ZNF486: variants seen among roughly 807,000 people sequenced by gnomAD.
ZNF486 encodes the protein KRAB box only protein 2.
A neutral mutation model predicts 12.8 loss-of-function variants in ZNF486; 12 were observed. The ratio of observed to expected loss-of-function variants is 0.94; its 90% CI spans 0.60 to 1.52. The LOEUF is 1.52. Ranked by LOEUF, ZNF486 falls within the 40% of genes most tolerant of loss-of-function variation. The probability of loss-of-function intolerance (pLI) is 0.00; values close to 1 mark genes in which losing one functional copy is unlikely to be tolerated. For synonymous variants in ZNF486, 231 were observed against 184.9 expected (o/e 1.25, Z -2.02); for missense variants, 738 against 545.0 (o/e 1.35, Z -3.53).
In ZNF486 at chr19:20,198,235, C is replaced by G. The variant is rs1417172294; in HGVS notation, c.*133C>G. 4.1e-6 allele frequency: 3 copies of G among 734,124 alleles called. No homozygotes were observed. In the African/African-American group the frequency reaches 5.4e-5, roughly 13 times the overall value. The allele number at this position is 734,124 out of a possible 1,614,324, so 45.5% of individuals were successfully genotyped here. ...GGGTTCAAGTAACTCTCCTTAGTAG[C>G]TAGGATTACAGGGCTGCACCACCAC... On this transcript the variant is annotated 3_prime_UTR_variant, in exon 4 of 4. Coordinates refer to ENST00000335117, the MANE Select transcript of ZNF486 (RefSeq NM_052852.4).
In ZNF486 at chr19:20,185,485, A is replaced by G. The variant is rs553980101; in HGVS notation, c.158-502A>G. The stretch of plus-strand genomic sequence containing the variant: ...GAGTGCAATGGCATGATCTCAGCTC[A>G]CTGCAACCTCTGCCTCCTGGGTTCA... On this transcript the variant is annotated intron_variant, in intron 2 of 3. Transcript: ENST00000335117. Among the ~76,000 whole-genome samples the G allele has an allele frequency of 1.7e-3, 231 of 134,732 alleles. 1 individual carries two copies. The highest frequency in any genetic ancestry group is 6.1e-3 in the African/African-American group (214 of 35,006). The allele number at this position is 134,732 out of a possible 152,430, so 88.4% of individuals were successfully genotyped here.
Position 20,198,304 on chromosome 19 carries a change from T to C in ZNF486, c.*202T>C. On this transcript the variant is annotated 3_prime_UTR_variant, in exon 4 of 4. Transcript: ENST00000335117. ...TTTTAGTAGAGATGGGGTTTCTCCA[T>C]GTTGGTCAGGCTGGTCTCAATCTCC... 1 of 541,434 alleles carries C rather than the reference T, an allele frequency of 1.8e-6. No individual in the cohort carries two copies. Among genetic ancestry groups the C allele is most frequent in the Middle Eastern group, 4.9e-4 (1 of 2,050 alleles). 33.5% of individuals were successfully genotyped at this position (541,434 alleles called of 1,614,324 possible).
Position 20,175,350 on chromosome 19 carries a change from T to TTTA in ZNF486, c.30+7990_30+7991insTTA, listed in dbSNP as rs1296618035. On this transcript the variant is annotated intron_variant, in intron 1 of 3. Transcript: ENST00000335117. ...CTATTAATTTTTTTTTTTTTTTTTT[T>TTTA]ATTGATCATTCTTGGGTGTTTCTCG... 8.4e-5 allele frequency: 12 copies of TTTA among 142,170 alleles called. 1 individual carries two copies. The East Asian group carries it at 8.5e-4, about 10-fold the overall frequency. The allele number at this position is 142,170 out of a possible 1,614,324, so 8.8% of individuals were successfully genotyped here.
chr19:20,196,454 G>T (rs782550629), intron 3 of ZNF486, among the ~76,000 whole-genome samples: 14 of 152,090 alleles, frequency 9.2e-5, no homozygotes, highest in Admixed American at 2.6e-4. Context: ...TCAGCCTCCT[G>T]AGCAGTTGGA....
In ZNF486 at chr19:20,174,358, A is replaced by G. The variant is rs546240849; in HGVS notation, c.30+6998A>G. Among the ~76,000 whole-genome samples the G allele has an allele frequency of 1.8e-4, 27 of 151,898 alleles. 1 individual carries two copies. The South Asian group carries it at 4.6e-3, about 26-fold the overall frequency. On this transcript the variant is annotated intron_variant, in intron 1 of 3. Coordinates refer to ENST00000335117, the MANE Select transcript of ZNF486 (RefSeq NM_052852.4). ...TAATGTTTGTAGACAAGCTGCATTT[A>G]TATACATTTAACAGTATTTTGTTTT...
At chr19:20,175,180 G>A (rs1555714473) in intron 1 of ZNF486, 1 of 152,166 alleles carries the variant, frequency 6.6e-6, no homozygotes, top group African/African-American at 2.4e-5. Context: ...GAGAGTAGCT[G>A]TGCGCTTTGG....
At chr19:20,182,114 A>G (rs1373847658) in intron 1 of ZNF486, among the ~76,000 whole-genome samples, 2 of 152,214 alleles carry the variant, frequency 1.3e-5, no homozygotes, top group Admixed American at 6.5e-5. Context: ...CCCTATTTGT[A>G]TCAGAAGTAT....
intron 3 of ZNF486, among the ~76,000 whole-genome samples, chr19:20,191,704 A>C (rs1555717230): frequency 6.6e-6 from 1 of 152,130 alleles, no homozygotes; most frequent in Non-Finnish European, 1.5e-5. Flanking sequence ...TGGGAGGCGG[A>C]GCTTGTAGTG....
chr19:20,178,417 G>A (rs1097507), intron 1 of ZNF486, among the ~76,000 whole-genome samples: 55,657 of 151,554 alleles, frequency 0.37, 14,191 homozygotes, highest in African/African-American at 0.72. Context: ...CTAATTTTTT[G>A]TATTTTTAGT....
At chr19:20,183,585 A>T (rs2089809760) in intron 1 of ZNF486, among the ~76,000 whole-genome samples, 1 of 152,186 alleles carries the variant, frequency 6.6e-6, no homozygotes, top group African/African-American at 2.4e-5. Context: ...CTTCTGTGTG[A>T]ATTAGGACAT....
intron 2 of ZNF486, among the ~76,000 whole-genome samples, chr19:20,185,153 T>A (rs1224294011): frequency 6.6e-6 from 1 of 152,152 alleles, no homozygotes; most frequent in Non-Finnish European, 1.5e-5. Context: ...TCACTTTGGA[T>A]AATGTGGCAA....
chr19:20,172,882 A>G (rs1191028114), intron 1 of ZNF486, among the ~76,000 whole-genome samples: 8 of 149,994 alleles, frequency 5.3e-5, no homozygotes, highest in African/African-American at 2.0e-4. Context: ...ACCTCGTGAT[A>G]CACCCGCCTT....
chr19:20,183,943 G>GA (rs34791235), intron 1 of ZNF486, among the ~76,000 whole-genome samples: 31,673 of 150,616 alleles, frequency 0.21, 3,894 homozygotes, highest in East Asian at 0.48. Flanking sequence ...AGATCTTTTG[G>GA]AAAAAAAAAT....
intron 3 of ZNF486, among the ~76,000 whole-genome samples, chr19:20,193,781 C>CA (rs2089928211): frequency 6.6e-6 from 1 of 151,524 alleles, no homozygotes; most frequent in Non-Finnish European, 1.5e-5. Flanking sequence ...ATTCTTCTAT[C>CA]TTTTTCACTC....
Position 20,167,230 on chromosome 19 carries a change from G to T in ZNF486, c.-101G>T. The stretch of plus-strand genomic sequence containing the variant: ...GCGGCCTTTGTCTCTCGCTGCATCT[G>T]GAGCTCTAGGTCGCCTCTTCGCTAC... On this transcript the variant is annotated 5_prime_UTR_variant, in exon 1 of 4. Transcript: ENST00000335117. 3.5e-6 allele frequency: 5 copies of T among 1,447,316 alleles called. No individual in the cohort carries two copies. Among genetic ancestry groups the T allele is most frequent in the East Asian group, 2.3e-5 (1 of 43,894 alleles). The allele number at this position is 1,447,316 out of a possible 1,614,324, so 89.7% of individuals were successfully genotyped here. A position where few individuals can be genotyped will look rare whatever the true frequency, so the allele number is the denominator to read the frequency against.
At chr19:20,187,016 C>G (rs782183319) in intron 3 of ZNF486, among the ~76,000 whole-genome samples, 4 of 151,900 alleles carry the variant, frequency 2.6e-5, no homozygotes, top group Non-Finnish European at 4.4e-5. Flanking sequence ...AACTCCTGAC[C>G]TTGTGATCCA....
At position 20,200,074 on chromosome 19, in the gene ZNF486, T is replaced by A. The variant is rs2089998843; in HGVS notation, c.*1972T>A. The stretch of plus-strand genomic sequence containing the variant: ...CTGGGCAACAGAGCAAGACTCCATC[T>A]CAAAAAAAAAAGTGTATTTGTTTCC... On this transcript the variant is annotated 3_prime_UTR_variant, in exon 4 of 4. Transcript: ENST00000335117. 6.6e-6 allele frequency: 1 copy of A among 151,208 alleles called. No individual in the cohort carries two copies. The highest frequency in any genetic ancestry group is 2.1e-4 in the South Asian group (1 of 4,790). 9.4% of individuals were successfully genotyped at this position (151,208 alleles called of 1,614,324 possible). A position where few individuals can be genotyped will look rare whatever the true frequency, so the allele number is the denominator to read the frequency against.
At chr19:20,191,646 T>G (rs1277438472) in intron 3 of ZNF486, among the ~76,000 whole-genome samples, 1 of 150,820 alleles carries the variant, frequency 6.6e-6, no homozygotes, top group Non-Finnish European at 1.5e-5. Context: ...GGTGGGCGCC[T>G]GTAGTCCCAG....
At chr19:20,184,594 T>G in intron 2 of ZNF486, 112 bp downstream of exon 2, 1 of 1,139,920 alleles carries the variant, frequency 8.8e-7, no homozygotes, top group Non-Finnish European at 1.2e-6. Flanking sequence ...CCAGATGTCC[T>G]TTTTCCAGAA....
Sources: allele counts gnomAD v4.1 joint callset (sites outside exome capture counted in the v4.1 genomes callset), GRCh38; gene constraint gnomAD v4.1.1; transcripts MANE v1.5; gene names NCBI Gene and HGNC (gene_info 2026-07-23, HGNC 2026-07-21).